The following PPIL1 variants were observed in gnomAD, a reference collection of about 807,000 sequenced individuals.
The protein encoded by PPIL1 is peptidylprolyl isomerase like 1.
In PPIL1, 14 loss-of-function variants were observed where a neutral mutation model predicts 19.4. The ratio of observed to expected loss-of-function variants is 0.72; its 90% CI spans 0.48 to 1.13. The LOEUF is 1.13. PPIL1 is among the 50% of genes most tolerant of loss of function. The pLI, the probability that PPIL1 is intolerant of heterozygous loss-of-function variation, is 0.00. For missense variants in PPIL1, 192 were observed against 218.0 expected (o/e 0.88, Z 0.75); for synonymous variants, 72 against 73.6 (o/e 0.98, Z 0.11).
intron 1 of PPIL1, among the ~76,000 whole-genome samples, chr6:36,873,067 C>G (rs1271302221): frequency 6.6e-6 from 1 of 152,248 alleles, no homozygotes; most frequent in Non-Finnish European, 1.5e-5. Context: ...CCATTCAACA[C>G]AGATTGACAG....
At chr6:36,868,033 G>C (rs148428296) in intron 2 of PPIL1, among the ~76,000 whole-genome samples, 50 of 152,328 alleles carry the variant, frequency 3.3e-4, no homozygotes, top group Admixed American at 7.8e-4. Flanking sequence ...CAGAAAGGAG[G>C]AGGGGAGAAA....
intron 2 of PPIL1, among the ~76,000 whole-genome samples, chr6:36,866,220 T>C (rs1047632416): frequency 6.6e-6 from 1 of 152,074 alleles, no homozygotes; most frequent in Non-Finnish European, 1.5e-5. Flanking sequence ...TGGTTTAAAA[T>C]GAAATGAAGC....
chr6:36,863,368 TC>T (rs1774328816), intron 2 of PPIL1, among the ~76,000 whole-genome samples: 4 of 152,126 alleles, frequency 2.6e-5, no homozygotes, highest in Admixed American at 2.6e-4. Context: ...CAAAGCCCCT[TC>T]CCTTCCTACA....
chr6:36,859,424 CAAAA>C (rs36097489), intron 2 of PPIL1, among the ~76,000 whole-genome samples: 5 of 73,210 alleles, frequency 6.8e-5, no homozygotes, highest in South Asian at 5.1e-4. Flanking sequence ...GACCCTGTCT[CAAAA>C]AAAAAAAAAA....
intron 2 of PPIL1, among the ~76,000 whole-genome samples, chr6:36,871,447 C>T (rs1272235712): frequency 1.3e-5 from 2 of 152,124 alleles, no homozygotes; most frequent in African/African-American, 4.8e-5. Flanking sequence ...ATTATTTGTT[C>T]TTAGTGAGCA....
At chr6:36,858,585 A>C (rs1315218780) in intron 2 of PPIL1, 1 of 152,242 alleles carries the variant, frequency 6.6e-6, no homozygotes, top group African/African-American at 2.4e-5. Flanking sequence ...GCTTCACCAC[A>C]GGGAGCCTGT....
intron 2 of PPIL1, among the ~76,000 whole-genome samples, chr6:36,866,197 G>A (rs1005189400): frequency 5.9e-5 from 9 of 152,158 alleles, no homozygotes; most frequent in African/African-American, 1.7e-4. Context: ...TGGGAAAGTT[G>A]AAGGTAGAAA....
chr6:36,870,250 AGAG>A (rs1305274285), intron 2 of PPIL1, among the ~76,000 whole-genome samples: 1 of 152,232 alleles, frequency 6.6e-6, no homozygotes, highest in Non-Finnish European at 1.5e-5. Flanking sequence ...AGAAATTAGC[AGAG>A]AAGAAGCAGA....
intron 2 of PPIL1, among the ~76,000 whole-genome samples, chr6:36,869,763 A>G (rs909522318): frequency 6.6e-6 from 1 of 152,242 alleles, no homozygotes; most frequent in Non-Finnish European, 1.5e-5. Context: ...GGGAAAAATA[A>G]GAATGGGTAG....
intron 2 of PPIL1, among the ~76,000 whole-genome samples, chr6:36,868,870 AAAC>A (rs895747745): frequency 6.6e-6 from 1 of 152,016 alleles, no homozygotes; most frequent in African/African-American, 2.4e-5. Context: ...CAACAAAAAC[AAAC>A]AACAACAAAA....
Position 36,856,019 on chromosome 6 carries a change from C to T in PPIL1, c.295G>A (p.Ala99Thr), listed in dbSNP as rs199818754. 9 of 1,613,848 alleles carry T rather than the reference C, an allele frequency of 5.6e-6. No individual in the cohort carries two copies. Among genetic ancestry groups the T allele is most frequent in the East Asian group, 2.2e-5 (1 of 44,878 alleles). ...DLKFTGAGIL[A>T]MANAGPDTNG... ...GTATCTGGCCCCGCATTGGCCATTG[C>T]GAGAATTCCAGCCCCTGGTGGGAAA... The change falls in exon 4 of 4, where the codon GCA becomes ACA. Residue 99 changes from alanine (A) to threonine (T), a missense_variant. Physicochemically the swap from Ala to Thr is moderately conservative, Grantham distance 58 (BLOSUM62 0). Coordinates refer to ENST00000373699, the MANE Select transcript of PPIL1 (RefSeq NM_016059.5).
chr6:36,864,435 G>A (rs749525336), intron 2 of PPIL1, among the ~76,000 whole-genome samples: 1 of 152,154 alleles, frequency 6.6e-6, no homozygotes, highest in Non-Finnish European at 1.5e-5. Context: ...TCTGGCTGCT[G>A]TTCTCTTCAG....
chr6:36,869,453 A>G (rs948417064), intron 2 of PPIL1, among the ~76,000 whole-genome samples: 8 of 152,232 alleles, frequency 5.3e-5, no homozygotes, highest in African/African-American at 1.9e-4. Flanking sequence ...CCAACATGCT[A>G]TCTCTTTTCA....
In PPIL1 at chr6:36,864,779, C is replaced by G. The variant is rs562373059; in HGVS notation, c.211+6939G>C. Among the ~76,000 whole-genome samples the G allele has an allele frequency of 1.8e-4, 28 of 152,298 alleles. 1 individual carries two copies. Among genetic ancestry groups the G allele is most frequent in the Admixed American group, 1.6e-3 (25 of 15,306 alleles). ...GTCAATAGTGCCTAGGTTGAGAAAT[C>G]CTGTTCCATCCCAGCAGTACATTCT... On this transcript the variant is annotated intron_variant, in intron 2 of 3. Transcript: ENST00000373699.
At position 36,855,390 on chromosome 6, in the gene PPIL1, G is replaced by A. The variant is rs1178492775; in HGVS notation, c.*423C>T. ...TTAAGAGGGCTGACAGACACTACTT[G>A]GTTTGGAATTCTGTGGCTGTCAGCC... is the stretch of plus-strand genomic sequence containing the variant. On this transcript the variant is annotated 3_prime_UTR_variant, in exon 4 of 4. Transcript: ENST00000373699. 1 of 229,000 alleles carries A rather than the reference G, an allele frequency of 4.4e-6. No homozygotes were observed. Among genetic ancestry groups the A allele is most frequent in the African/African-American group, 2.2e-5 (1 of 44,776 alleles). The allele number at this position is 229,000 out of a possible 1,614,324, so 14.2% of individuals were successfully genotyped here.
intron 2 of PPIL1, among the ~76,000 whole-genome samples, chr6:36,863,770 A>G (rs1774337957): frequency 1.3e-5 from 2 of 151,846 alleles, no homozygotes; most frequent in South Asian, 2.1e-4. Flanking sequence ...CCACGTGGTT[A>G]TACCCAGTGG....
intron 1 of PPIL1, among the ~76,000 whole-genome samples, 199 bp downstream of exon 1, chr6:36,874,518 C>G (rs1244145293): frequency 6.6e-6 from 1 of 152,242 alleles, no homozygotes; most frequent in Non-Finnish European, 1.5e-5. Flanking sequence ...TTGCTGAGAC[C>G]TCAGCACAAG....
chr6:36,861,764 T>C (rs572691478), intron 2 of PPIL1, among the ~76,000 whole-genome samples: 1 of 151,802 alleles, frequency 6.6e-6, no homozygotes, highest in Non-Finnish European at 1.5e-5. Context: ...TGGTGCCATC[T>C]TGGCTCACCG....
At chr6:36,874,184 A>C (rs1411744791) in intron 1 of PPIL1, among the ~76,000 whole-genome samples, 1 of 152,228 alleles carries the variant, frequency 6.6e-6, no homozygotes, top group Non-Finnish European at 1.5e-5. Context: ...TGCTAAGATT[A>C]AACTAAATGA....
Sources: allele counts gnomAD v4.1 joint callset (sites outside exome capture counted in the v4.1 genomes callset), GRCh38; gene constraint gnomAD v4.1.1; transcripts MANE v1.5; gene names NCBI Gene and HGNC (gene_info 2026-07-23, HGNC 2026-07-21).